The following CD300LF variants were observed in gnomAD, a reference collection of about 807,000 sequenced individuals.
CD300LF encodes the protein CD300 molecule like family member f, also known as CMRF35-like molecule 1.
In CD300LF, 27 loss-of-function variants were observed where a neutral mutation model predicts 32.2. That is an observed-to-expected ratio of 0.84 (90% CI 0.62 to 1.15). CD300LF has a LOEUF of 1.15. Ranked by LOEUF, CD300LF falls within the 50% of genes most tolerant of loss-of-function variation. The pLI, the probability that CD300LF is intolerant of heterozygous loss-of-function variation, is 0.00. For synonymous variants in CD300LF, 139 were observed against 143.2 expected, an observed-to-expected ratio of 0.97 and a Z score of 0.21; for missense variants, 348 against 356.8, an observed-to-expected ratio of 0.98 and a Z score of 0.20.
chr17:74,708,164 AAAAAGAAAAAGAAAG>A (rs1386044405), intron 1 of CD300LF, among the ~76,000 whole-genome samples: 24 of 151,842 alleles, frequency 1.6e-4, no homozygotes, highest in Middle Eastern at 3.4e-3. Context: ...AAAAAAAAGA[AAAAAGAAAAAGAAAG>A]AAAAGAAAAA....
intron 1 of CD300LF, among the ~76,000 whole-genome samples, chr17:74,706,303 C>T (rs2033507419): frequency 6.8e-6 from 1 of 147,308 alleles, no homozygotes; most frequent in Non-Finnish European, 1.5e-5. Context: ...ATATATATCC[C>T]AAAGTGCTGC....
chr17:74,697,526 C>G (rs1166647960), intron 4 of CD300LF, among the ~76,000 whole-genome samples: 1 of 152,174 alleles, frequency 6.6e-6, no homozygotes, highest in Non-Finnish European at 1.5e-5. Context: ...AGTCAGGCTC[C>G]CCTCTTCCCA....
At chr17:74,697,482 T>G (rs183375689) in intron 4 of CD300LF, among the ~76,000 whole-genome samples, 44 of 152,246 alleles carry the variant, frequency 2.9e-4, no homozygotes, top group Admixed American at 1.8e-3. Context: ...GGCTCTAATT[T>G]TGAAAAAGCA....
chr17:74,705,895 T>A (rs547011001), intron 1 of CD300LF, among the ~76,000 whole-genome samples: 4 of 152,354 alleles, frequency 2.6e-5, no homozygotes, highest in East Asian at 3.9e-4. Flanking sequence ...ACGCCTGGCC[T>A]GTATTTTCTT....
intron 3 of CD300LF, among the ~76,000 whole-genome samples, chr17:74,700,989 G>A (rs1471111310): frequency 6.6e-6 from 1 of 152,074 alleles, no homozygotes; most frequent in African/African-American, 2.4e-5. Context: ...GCAGAGGGAC[G>A]ACCACGTGAA....
intron 3 of CD300LF, among the ~76,000 whole-genome samples, chr17:74,701,488 A>C (rs940293114): frequency 5.3e-5 from 8 of 152,208 alleles, no homozygotes; most frequent in Non-Finnish European, 1.5e-5. Context: ...AACCTTAACT[A>C]TTACTTATTC....
At chr17:74,708,242 C>T (rs930788754) in intron 1 of CD300LF, among the ~76,000 whole-genome samples, 2 of 151,838 alleles carry the variant, frequency 1.3e-5, no homozygotes, top group Non-Finnish European at 2.9e-5. Flanking sequence ...TGAATCATTC[C>T]ACAGCTATTA....
At chr17:74,695,646 G>T (rs1162785137) in intron 6 of CD300LF, 79 bp downstream of exon 6, 2 of 1,597,470 alleles carry the variant, frequency 1.3e-6, no homozygotes, top group African/African-American at 1.3e-5. Flanking sequence ...GCAGGAGAAA[G>T]CCCACCCTCC....
intron 1 of CD300LF, chr17:74,705,511 C>G (rs755262354): frequency 2.6e-5 from 12 of 467,064 alleles, no homozygotes; most frequent in Non-Finnish European, 4.6e-5. Flanking sequence ...ATCCTACATT[C>G]TCCTGATTAC....
At chr17:74,697,660 A>G (rs1305097350) in intron 4 of CD300LF, among the ~76,000 whole-genome samples, 1 of 150,866 alleles carries the variant, frequency 6.6e-6, no homozygotes, top group Non-Finnish European at 1.5e-5. Flanking sequence ...GTGAAGCCAC[A>G]TTCTCACACA....
intron 4 of CD300LF, among the ~76,000 whole-genome samples, chr17:74,697,242 A>AGATTG (rs1481579029): frequency 6.6e-6 from 1 of 152,056 alleles, no homozygotes; most frequent in East Asian, 1.9e-4. Context: ...CGACACCCAG[A>AGATTG]GATTGGATTG....
intron 1 of CD300LF, among the ~76,000 whole-genome samples, chr17:74,705,030 C>A (rs1598258728): frequency 1.3e-5 from 2 of 152,294 alleles, no homozygotes; most frequent in African/African-American, 4.8e-5. Context: ...CGGATCCCCC[C>A]AAAAATAAAA....
chr17:74,697,710 T>G (rs565427396), intron 4 of CD300LF, among the ~76,000 whole-genome samples: 104 of 152,096 alleles, frequency 6.8e-4, no homozygotes, highest in African/African-American at 2.5e-3. Context: ...GATCTGTGAG[T>G]GTAGACTCCT....
intron 1 of CD300LF, among the ~76,000 whole-genome samples, chr17:74,705,922 T>C (rs916141477): frequency 1.3e-5 from 2 of 152,178 alleles, no homozygotes; most frequent in African/African-American, 2.4e-5. Flanking sequence ...CATGTTTTCC[T>C]TCAAAATCAT....
At chr17:74,695,275 T>C in intron 6 of CD300LF, 24 bp from the exon 7 acceptor site, 3 of 1,612,884 alleles carry the variant, frequency 1.9e-6, no homozygotes, top group Non-Finnish European at 1.7e-6. Flanking sequence ...GGGCTCCAGG[T>C]CAGAGAGGAC....
In CD300LF at chr17:74,695,300, G is replaced by A; in HGVS notation, c.718-49C>T. The A allele has an allele frequency of 1.2e-6, 2 of 1,606,638 alleles. 1 individual carries two copies. The highest frequency in any genetic ancestry group is 2.7e-5 in the African/African-American group (2 of 74,952). On this transcript the variant is annotated intron_variant, in intron 6 of 6. Transcript: ENST00000326165. ...TCAGAGAGGACGGCAGGAAGTGACG[G>A]TCACGGGGCAGAGGAGCCCTCGGAG...
intron 6 of CD300LF, 85 bp from the exon 7 acceptor site, chr17:74,695,336 G>A (rs529808655): frequency 6.6e-7 from 1 of 1,513,660 alleles, no homozygotes; most frequent in Non-Finnish European, 9.0e-7. Context: ...GAGGATAGTG[G>A]GGATGGACCA....
chr17:74,704,893 C>T, intron 1 of CD300LF, 77 bp from the exon 2 acceptor site: 1 of 1,143,670 alleles, frequency 8.7e-7, no homozygotes, highest in Non-Finnish European at 1.3e-6. Flanking sequence ...GGGAATAGCT[C>T]CCAAATCCAA....
chr17:74,707,201 T>G (rs1443180862), intron 1 of CD300LF, among the ~76,000 whole-genome samples: 1 of 152,104 alleles, frequency 6.6e-6, no homozygotes, highest in Non-Finnish European at 1.5e-5. Flanking sequence ...AGCGACAACC[T>G]ACAGAGTGAG....
Sources: allele counts gnomAD v4.1 joint callset (sites outside exome capture counted in the v4.1 genomes callset), GRCh38; gene constraint gnomAD v4.1.1; transcripts MANE v1.5; gene names NCBI Gene and HGNC (gene_info 2026-07-23, HGNC 2026-07-21).